ATP2B2: variants seen among roughly 807,000 people sequenced by gnomAD.
The protein encoded by ATP2B2 is ATPase plasma membrane Ca2+ transporting 2.
A neutral mutation model predicts 120.0 loss-of-function variants in ATP2B2; 15 were observed. The ratio of observed to expected loss-of-function variants is 0.12; its 90% CI spans 0.08 to 0.19. The LOEUF (loss-of-function observed/expected upper bound fraction) is 0.19. Among genes scored for constraint, ATP2B2 ranks in the 10% least tolerant of loss-of-function variants. ATP2B2 has a pLI of 1.00. For missense variants in ATP2B2, 1,045 were observed against 1,719.8 expected, an observed-to-expected ratio of 0.61 and a Z score of 6.94; for synonymous variants, 694 against 700.3, an observed-to-expected ratio of 0.99 and a Z score of 0.14.
At position 10,346,798 on chromosome 3, in the gene ATP2B2, G is replaced by A. The variant is rs909580879; in HGVS notation, c.2405-661C>T. ...GGGACTCCTCATTCATGGGGCTTGC[G>A]AGCAGGGATGTCCATGGGCACGACA... On this transcript the variant is annotated intron_variant, in intron 16 of 22. Transcript: ENST00000360273. This position sits in a 1 kb window ranked among gnomAD's most constrained non-coding sequence, Gnocchi z 4.1. 2.6e-5 allele frequency among the ~76,000 whole-genome samples: 4 copies of A among 152,172 alleles called. No individual in the cohort carries two copies. Among genetic ancestry groups the A allele is most frequent in the African/African-American group, 9.7e-5 (4 of 41,422 alleles).
chr3:10,685,364 G>A (rs936473915), intron 1 of ATP2B2, among the ~76,000 whole-genome samples: 1 of 152,218 alleles, frequency 6.6e-6, no homozygotes, highest in Non-Finnish European at 1.5e-5. Context: ...AGCAAGCAGC[G>A]TGAAGCTGTG....
chr3:10,680,890 A>T (rs977362250), intron 1 of ATP2B2, among the ~76,000 whole-genome samples: 3 of 152,066 alleles, frequency 2.0e-5, no homozygotes, highest in Non-Finnish European at 4.4e-5. Flanking sequence ...CTCCATGTGG[A>T]GGTGGGGCCT....
At chr3:10,466,228 A>G (rs1411322804) in intron 1 of ATP2B2, among the ~76,000 whole-genome samples, 1 of 152,178 alleles carries the variant, frequency 6.6e-6, no homozygotes, top group Admixed American at 6.5e-5. Flanking sequence ...TTGTTGTTGT[A>G]TATTTACTGA....
intron 1 of ATP2B2, among the ~76,000 whole-genome samples, chr3:10,664,607 A>C (rs1297320685): frequency 6.6e-6 from 1 of 152,146 alleles, no homozygotes; most frequent in African/African-American, 2.4e-5. Flanking sequence ...GGGACTTAGG[A>C]ACTAATCCTA....
chr3:10,343,034 A>G lies in ATP2B2; in HGVS notation c.2704-69T>C. On this transcript the variant is annotated intron_variant, in intron 18 of 22. Coordinates refer to ENST00000360273, the MANE Select transcript of ATP2B2 (RefSeq NM_001001331.4). This position sits in a 1 kb window ranked among gnomAD's most constrained non-coding sequence, Gnocchi z 4.2. ...CTGCTGTGAAGTGCTGGGCGGGCTC[A>G]TGGTGTAGTGTCCGCAGGCTCCTGC... The G allele has an allele frequency of 1.3e-6, 2 of 1,527,070 alleles. No homozygotes were observed. The highest frequency in any genetic ancestry group is 3.4e-5 in the Admixed American group (2 of 59,524). The allele number at this position is 1,527,070 out of a possible 1,614,324, so 94.6% of individuals were successfully genotyped here.
At chr3:10,674,466 G>C (rs1422415682) in intron 1 of ATP2B2, among the ~76,000 whole-genome samples, 1 of 152,230 alleles carries the variant, frequency 6.6e-6, no homozygotes, top group Non-Finnish European at 1.5e-5. Flanking sequence ...TGACTCATGA[G>C]AGTATACACA....
At chr3:10,695,660 G>A (rs967148438) in intron 1 of ATP2B2, among the ~76,000 whole-genome samples, 5 of 152,132 alleles carry the variant, frequency 3.3e-5, no homozygotes, top group African/African-American at 7.2e-5. Flanking sequence ...GAGAGAGCCC[G>A]CCAGGATCCA....
rs1418835802 is a variant in ATP2B2, at chr3:10,325,508, G to A, written c.*3306C>T. ...GGAAAAGAGTGGCTTCCAACAACTG[G>A]AGGACCCAGGACAAGACAGGTTCAG... On this transcript the variant is annotated 3_prime_UTR_variant, in exon 23 of 23. Coordinates refer to ENST00000360273, the MANE Select transcript of ATP2B2 (RefSeq NM_001001331.4). 1 of 143,714 alleles carries A rather than the reference G, an allele frequency of 7.0e-6. No individual in the cohort carries two copies. Among genetic ancestry groups the A allele is most frequent in the African/African-American group, 2.6e-5 (1 of 37,994 alleles). The allele number at this position is 143,714 out of a possible 1,614,324, so 8.9% of individuals were successfully genotyped here.
chr3:10,524,247 A>T (rs1166617230), intron 3 of ATP2B2, among the ~76,000 whole-genome samples: 1 of 152,230 alleles, frequency 6.6e-6, no homozygotes, highest in Non-Finnish European at 1.5e-5. Context: ...CTTCTGGCAC[A>T]AAACCTTTCC....
chr3:10,336,301 C>T, intron 22 of ATP2B2: 2 of 1,550,486 alleles, frequency 1.3e-6, no homozygotes, highest in Non-Finnish European at 1.7e-6. Flanking sequence ...CTACTTCAAT[C>T]TGCAACGGAG....
At chr3:10,566,997 A>C (rs1308918864) in intron 2 of ATP2B2, among the ~76,000 whole-genome samples, 2 of 152,216 alleles carry the variant, frequency 1.3e-5, no homozygotes, top group Non-Finnish European at 2.9e-5. Context: ...ATAGGTCTTC[A>C]ATGTGTGGGG....
intron 1 of ATP2B2, among the ~76,000 whole-genome samples, chr3:10,471,836 T>G (rs888987878): frequency 1.3e-5 from 2 of 151,790 alleles, no homozygotes; most frequent in African/African-American, 2.4e-5. Flanking sequence ...ATCCCAGCAC[T>G]TTGGGAGGCC....
intron 2 of ATP2B2, among the ~76,000 whole-genome samples, chr3:10,417,071 G>GC (rs1426981944): frequency 3.1e-5 from 4 of 130,100 alleles, no homozygotes; most frequent in Non-Finnish European, 6.2e-5. Flanking sequence ...GACGGCGGCG[G>GC]GGGGGGGCGG....
chr3:10,401,228 T>C, intron 4 of ATP2B2, 150 bp from the exon 5 acceptor site: 3 of 1,044,990 alleles, frequency 2.9e-6, no homozygotes, highest in Non-Finnish European at 4.2e-6. Flanking sequence ...ATGGTGCCCA[T>C]AGAAGGCCCA....
At chr3:10,592,902 C>A (rs1323488309) in intron 2 of ATP2B2, among the ~76,000 whole-genome samples, 2 of 152,226 alleles carry the variant, frequency 1.3e-5, no homozygotes, top group African/African-American at 4.8e-5. Flanking sequence ...CCCACCTCAG[C>A]CTCCTGAGTA....
chr3:10,595,942 C>A (rs532568074), intron 2 of ATP2B2, among the ~76,000 whole-genome samples: 28 of 152,190 alleles, frequency 1.8e-4, no homozygotes, highest in African/African-American at 5.1e-4. Flanking sequence ...CCCTGCTGCT[C>A]CTCGAACCCA....
intron 2 of ATP2B2, among the ~76,000 whole-genome samples, chr3:10,599,309 T>G (rs2125589431): frequency 6.6e-6 from 1 of 152,308 alleles, no homozygotes; most frequent in South Asian, 2.1e-4. Context: ...CGCCATTGGT[T>G]CCCAGAATTG....
chr3:10,602,257 C>G lies in ATP2B2; in HGVS notation c.-415+17660G>C, dbSNP rs527431538. Among the ~76,000 whole-genome samples, 4 of 152,352 alleles carry G rather than the reference C, an allele frequency of 2.6e-5. No homozygotes were observed. In the East Asian group the frequency reaches 5.8e-4, roughly 22 times the overall value. On this transcript the variant is annotated intron_variant, in intron 2 of 21. Transcript: ENST00000646379. ...CTGGAATCCCACCCACTCTTCACCC[C>G]CTTTTTTCTCCTTGTCAGGCTGCTC...
At chr3:10,488,419 A>G (rs2443735) in intron 1 of ATP2B2, among the ~76,000 whole-genome samples, 17,614 of 138,812 alleles carry the variant, frequency 0.13, 1,894 homozygotes, top group South Asian at 0.3. Context: ...CCACCCATTC[A>G]TCTCTTCACC....
Sources: gnomAD v4.1 joint callset for allele counts (sites outside exome capture counted in the v4.1 genomes callset) on GRCh38, gnomAD v4.1.1 for gene constraint, Gnocchi (gnomAD v3.1) non-coding constraint, MANE v1.5 for transcripts, NCBI Gene and HGNC (gene_info 2026-07-23, HGNC 2026-07-21) for gene names.